Variants in LRMDA observed in about 807,000 individuals in gnomAD.
LRMDA encodes the protein leucine rich melanocyte differentiation associated.
In LRMDA, 18 loss-of-function variants were observed where a neutral mutation model predicts 29.8. That is an observed-to-expected ratio of 0.60 (90% confidence interval 0.42 to 0.90). The LOEUF is 0.90. LRMDA is among the 40% of genes least tolerant of loss of function. The probability of loss-of-function intolerance (pLI) is 0.00; values close to 1 mark genes in which losing one functional copy is unlikely to be tolerated. For synonymous variants in LRMDA, 125 were observed against 109.4 expected (o/e 1.14, Z -0.89); for missense variants, 273 against 273.9 (o/e 1.00, Z 0.02).
chr10:75,506,986 G>A (rs1845175312), intron 2 of LRMDA, among the ~76,000 whole-genome samples: 1 of 152,152 alleles, frequency 6.6e-6, no homozygotes, highest in Non-Finnish European at 1.5e-5. Context: ...GAGTTGTGCT[G>A]TGGTTGGGTG....
chr10:75,758,283 T>G (rs1187716631), intron 2 of LRMDA, among the ~76,000 whole-genome samples: 3 of 152,208 alleles, frequency 2.0e-5, no homozygotes, highest in African/African-American at 7.2e-5. Flanking sequence ...GGCTCCCTCC[T>G]GTTGCCAAGT....
intron 2 of LRMDA, among the ~76,000 whole-genome samples, chr10:75,502,032 G>A (rs772447057): frequency 1.3e-5 from 2 of 152,184 alleles, no homozygotes; most frequent in Non-Finnish European, 2.9e-5. Context: ...TGTGTGTCCT[G>A]CCATCATTCA....
At chr10:76,024,345 T>C (rs1848026558) in intron 2 of LRMDA, among the ~76,000 whole-genome samples, 1 of 152,226 alleles carries the variant, frequency 6.6e-6, no homozygotes, top group African/African-American at 2.4e-5. Flanking sequence ...TGTTAGGTGC[T>C]AGTACACAGG....
chr10:75,491,143 A>C (rs1032767035), intron 2 of LRMDA, among the ~76,000 whole-genome samples: 1 of 152,180 alleles, frequency 6.6e-6, no homozygotes, highest in Non-Finnish European at 1.5e-5. Context: ...CCTGACTTGG[A>C]AGAATTATTA....
chr10:76,416,037 A>G (rs866232320), intron 6 of LRMDA, among the ~76,000 whole-genome samples: 1 of 152,252 alleles, frequency 6.6e-6, no homozygotes, highest in African/African-American at 2.4e-5. Flanking sequence ...TGTGGGATCA[A>G]GCCTACACTT....
chr10:76,504,892 G>A (rs1439947823), intron 6 of LRMDA, among the ~76,000 whole-genome samples: 1 of 151,982 alleles, frequency 6.6e-6, no homozygotes, highest in Non-Finnish European at 1.5e-5. Flanking sequence ...TCTTTATAGT[G>A]TCTGTGGGCT....
chr10:76,114,511 G>T (rs887466424), intron 5 of LRMDA, among the ~76,000 whole-genome samples: 1 of 152,166 alleles, frequency 6.6e-6, no homozygotes. Flanking sequence ...TGGGATGAGG[G>T]GTAGTGGTGG....
At chr10:76,547,045 G>C (rs915242685) in intron 6 of LRMDA, among the ~76,000 whole-genome samples, 3 of 152,120 alleles carry the variant, frequency 2.0e-5, no homozygotes, top group African/African-American at 7.2e-5. Context: ...AGGTAGATTT[G>C]TGGGGAGGGG....
chr10:75,887,815 G>A (rs965220404), intron 2 of LRMDA, among the ~76,000 whole-genome samples: 5 of 152,264 alleles, frequency 3.3e-5, no homozygotes, highest in African/African-American at 1.2e-4. Flanking sequence ...TTCTGATAGG[G>A]AAGGAAGAAA....
intron 2 of LRMDA, among the ~76,000 whole-genome samples, chr10:75,489,977 T>C (rs534290185): frequency 6.6e-6 from 1 of 152,294 alleles, no homozygotes; most frequent in African/African-American, 2.4e-5. Flanking sequence ...CAATGGGATA[T>C]TGATAGAGGC....
At chr10:75,765,127 C>T (rs1317749455) in intron 2 of LRMDA, among the ~76,000 whole-genome samples, 1 of 152,164 alleles carries the variant, frequency 6.6e-6, no homozygotes, top group Non-Finnish European at 1.5e-5. Flanking sequence ...TGTCACTCAT[C>T]TACTTAGTTT....
At position 76,458,191 on chromosome 10, in the gene LRMDA, C is replaced by T. The variant is rs553144468; in HGVS notation, c.602-99018C>T. ...GGCCTGTTTTGTATATATTTGCAGTCTGAGCACCCATAGAGGGGAGTCACC... is the reference window on the plus strand; with the variant it reads ...GGCCTGTTTTGTATATATTTGCAGTTTGAGCACCCATAGAGGGGAGTCACC... On this transcript the variant is annotated intron_variant, in intron 6 of 6. Transcript: ENST00000611255. 3.1e-3 allele frequency among the ~76,000 whole-genome samples: 466 copies of T among 150,822 alleles called. 4 individuals are homozygous for T. Among genetic ancestry groups the T allele is most frequent in the Non-Finnish European group, 4.3e-3 (292 of 67,828 alleles).
At chr10:76,022,138 G>A (rs1257730874) in intron 2 of LRMDA, among the ~76,000 whole-genome samples, 1 of 152,204 alleles carries the variant, frequency 6.6e-6, no homozygotes, top group Non-Finnish European at 1.5e-5. Context: ...GGAAGCAGAA[G>A]AAGCACTGAA....
At chr10:75,757,390 G>A (rs1167408038) in intron 2 of LRMDA, among the ~76,000 whole-genome samples, 4 of 152,172 alleles carry the variant, frequency 2.6e-5, no homozygotes, top group African/African-American at 9.7e-5. Context: ...CTGGGACTCA[G>A]TCACAGGTCA....
In LRMDA at chr10:76,112,572, G is replaced by T. The variant is rs192423740; in HGVS notation, c.516+53789G>T. On this transcript the variant is annotated intron_variant, in intron 5 of 6. Transcript: ENST00000611255. ...GTCAGGGGGAAGGTCTCCCAGGTCC[G>T]CAGCCTTCAGCACCCTGGATCTGGG... Among the ~76,000 whole-genome samples, 46 of 152,334 alleles carry T rather than the reference G, an allele frequency of 3.0e-4. No homozygotes were observed. In the East Asian group the frequency reaches 8.7e-3, roughly 29 times the overall value.
At chr10:75,678,785 G>A (rs1841990599) in intron 2 of LRMDA, among the ~76,000 whole-genome samples, 1 of 152,088 alleles carries the variant, frequency 6.6e-6, no homozygotes, top group African/African-American at 2.4e-5. Context: ...TTGTAGTATT[G>A]GAAGATAGTG....
intron 6 of LRMDA, among the ~76,000 whole-genome samples, chr10:76,344,800 G>A (rs10824406): frequency 0.11 from 16,303 of 151,390 alleles, 1,024 homozygotes; most frequent in East Asian, 0.32. Flanking sequence ...GGGCCATTCA[G>A]TATAAGTTTG....
rs574195981 is a variant in LRMDA, at chr10:76,366,671, C to G, written c.601+42186C>G. 3.9e-5 allele frequency among the ~76,000 whole-genome samples: 6 copies of G among 152,258 alleles called. No homozygotes were observed. In the South Asian group the frequency reaches 1.2e-3, roughly 32 times the overall value. On this transcript the variant is annotated intron_variant, in intron 6 of 6. Transcript: ENST00000611255. ...TTTCTGGAGGAGTCCTTAGGGTTTT[C>G]AAGGTAAATGATTGTATCGTCAGCA...
At chr10:75,918,394 C>T (rs1017976631) in intron 2 of LRMDA, among the ~76,000 whole-genome samples, 17 of 151,990 alleles carry the variant, frequency 1.1e-4, no homozygotes, top group Non-Finnish European at 1.0e-4. Context: ...TTTCCAATCA[C>T]GGTGGAAGGC....
Sources: gnomAD v4.1 joint callset for allele counts (sites outside exome capture counted in the v4.1 genomes callset) on GRCh38, gnomAD v4.1.1 for gene constraint, MANE v1.5 for transcripts, NCBI Gene and HGNC (gene_info 2026-07-23, HGNC 2026-07-21) for gene names.